Variants in STXBP5 observed in about 807,000 individuals in gnomAD.
STXBP5 encodes the protein syntaxin-binding protein 5.
A neutral mutation model predicts 152.4 loss-of-function variants in STXBP5; 50 were observed. The ratio of observed to expected loss-of-function variants is 0.33; its 90% CI spans 0.26 to 0.42. The LOEUF (loss-of-function observed/expected upper bound fraction) is 0.42. Ranked by LOEUF, STXBP5 falls within the 10% of genes least tolerant of loss-of-function variation. The pLI, the probability that STXBP5 is intolerant of heterozygous loss-of-function variation, is 1.00. For synonymous variants in STXBP5, 492 were observed against 494.7 expected (o/e 0.99, Z 0.07); for missense variants, 1,167 against 1,388.6 (o/e 0.84, Z 2.54).
chr6:147,363,487 T>C lies in STXBP5; in HGVS notation c.2698T>C (p.Ser900Pro), dbSNP rs1409654558. The C allele has an allele frequency of 6.2e-7, 1 of 1,614,012 alleles. No homozygotes were observed. The highest frequency in any genetic ancestry group is 1.3e-5 in the African/African-American group (1 of 74,930). ...KEKLKKRRPV[S>P]VSPSSSQEIS... ...GAAATTGAAAAAACGGCGGCCTGTC[T>C]CAGTATCCCCCTCCTCTTCTCAGGA... The change falls in exon 24 of 28, where the codon TCA (serine) becomes CCA (proline). Residue 900 changes from serine to proline, a missense_variant. Coordinates refer to ENST00000321680, the MANE Select transcript of STXBP5 (RefSeq NM_001127715.4).
Position 147,383,038 on chromosome 6 carries a change from G to A in STXBP5, c.3414+40G>A, listed in dbSNP as rs1422371382. 3.1e-6 allele frequency: 5 copies of A among 1,600,048 alleles called. No individual in the cohort carries two copies. In the African/African-American group the frequency reaches 6.7e-5, roughly 21 times the overall value. ...CAGATATTTGAACAAAAAGCTCTAGGTAAAGCAAGTGTGAATGTTACTTTA... is the reference window on the plus strand; with the variant it reads ...CAGATATTTGAACAAAAAGCTCTAGATAAAGCAAGTGTGAATGTTACTTTA... On this transcript the variant is annotated intron_variant, in intron 27 of 27. Coordinates refer to ENST00000321680, the MANE Select transcript of STXBP5 (RefSeq NM_001127715.4).
intron 16 of STXBP5, among the ~76,000 whole-genome samples, chr6:147,320,320 T>C (rs1308478445): frequency 2.0e-5 from 3 of 152,170 alleles, no homozygotes; most frequent in African/African-American, 7.2e-5. Context: ...TTAAGAACAC[T>C]GCCTTTGCAG....
At chr6:147,348,344 T>A (rs1313340157) in intron 21 of STXBP5, among the ~76,000 whole-genome samples, 1 of 122,524 alleles carries the variant, frequency 8.2e-6, no homozygotes, top group Admixed American at 8.6e-5. Context: ...CCTCCCTCCC[T>A]CCCTCTCCCT....
chr6:147,351,936 C>T, intron 21 of STXBP5: 1 of 965,154 alleles, frequency 1.0e-6, no homozygotes, highest in Non-Finnish European at 1.2e-6. Flanking sequence ...AAAATTTAAC[C>T]TAATATATTC....
chr6:147,326,370 C>T (rs1012402300), intron 17 of STXBP5, among the ~76,000 whole-genome samples: 3 of 152,116 alleles, frequency 2.0e-5, no homozygotes, highest in Non-Finnish European at 4.4e-5. Context: ...TAATTAGTTA[C>T]CAAGACTATA....
In STXBP5 at chr6:147,307,981, T is replaced by G. The variant is rs146964339; in HGVS notation, c.918-2103T>G. Among the ~76,000 whole-genome samples, 229 of 152,230 alleles carry G rather than the reference T, an allele frequency of 1.5e-3. 1 individual carries two copies. Among genetic ancestry groups the G allele is most frequent in the African/African-American group, 5.2e-3 (217 of 41,554 alleles). ...TATTCTGTAATGTACAGCTATAATCTCTCTTCATTGTTCTGGCATTAATAA... is the reference window on the plus strand; with the variant it reads ...TATTCTGTAATGTACAGCTATAATCGCTCTTCATTGTTCTGGCATTAATAA... On this transcript the variant is annotated intron_variant, in intron 9 of 27. Coordinates refer to ENST00000321680, the MANE Select transcript of STXBP5 (RefSeq NM_001127715.4).
intron 10 of STXBP5, among the ~76,000 whole-genome samples, 177 bp downstream of exon 10, chr6:147,310,415 T>C (rs1435693199): frequency 6.6e-6 from 1 of 152,180 alleles, no homozygotes; most frequent in Non-Finnish European, 1.5e-5. Flanking sequence ...AAATTTAATC[T>C]GTTTTGAAGA....
chr6:147,365,172 G>T (rs1324643487), intron 25 of STXBP5, among the ~76,000 whole-genome samples: 1 of 152,100 alleles, frequency 6.6e-6, no homozygotes, highest in African/African-American at 2.4e-5. Context: ...ATACTATACT[G>T]GAAACCTAGT....
At chr6:147,233,573 A>T (rs1337481659) in intron 2 of STXBP5, among the ~76,000 whole-genome samples, 1 of 151,814 alleles carries the variant, frequency 6.6e-6, no homozygotes, top group Non-Finnish European at 1.5e-5. Flanking sequence ...GAGGTTTGAC[A>T]TTCATGTAAA....
chr6:147,384,031 C>T (rs946109855), intron 27 of STXBP5, among the ~76,000 whole-genome samples: 2 of 152,024 alleles, frequency 1.3e-5, no homozygotes, highest in Admixed American at 6.6e-5. Context: ...CAGTCAATTT[C>T]GGAATATATT....
intron 9 of STXBP5, among the ~76,000 whole-genome samples, chr6:147,294,170 G>C (rs539197248): frequency 6.6e-6 from 1 of 152,216 alleles, no homozygotes; most frequent in Admixed American, 6.5e-5. Flanking sequence ...CATTGAAGTT[G>C]TTTCTTTGAG....
At chr6:147,247,884 C>T (rs1191570272) in intron 4 of STXBP5, among the ~76,000 whole-genome samples, 1 of 151,988 alleles carries the variant, frequency 6.6e-6, no homozygotes, top group Non-Finnish European at 1.5e-5. Flanking sequence ...TCCAAAAGGG[C>T]CTTACAATGT....
chr6:147,388,056 CA>C lies in STXBP5; in HGVS notation c.*3304del, dbSNP rs1409396991. 1 of 151,674 alleles carries C rather than the reference CA, an allele frequency of 6.6e-6. No homozygotes were observed. Among genetic ancestry groups the C allele is most frequent in the Non-Finnish European group, 1.5e-5 (1 of 67,736 alleles). 9.4% of individuals were successfully genotyped at this position (151,674 alleles called of 1,614,324 possible). A position where few individuals can be genotyped will look rare whatever the true frequency, so the allele number is the denominator to read the frequency against. ...ATATCCAAAGGTAAATTTTTTGTGGCAAAGATTTATTTTACACTTTAACTTT... is the reference window on the plus strand; with the variant it reads ...ATATCCAAAGGTAAATTTTTTGTGGCAAGATTTATTTTACACTTTAACTTT... On this transcript the variant is annotated 3_prime_UTR_variant, in exon 28 of 28. Coordinates refer to ENST00000321680, the MANE Select transcript of STXBP5 (RefSeq NM_001127715.4).
At chr6:147,367,656 A>G (rs1410177036) in intron 25 of STXBP5, among the ~76,000 whole-genome samples, 2 of 152,128 alleles carry the variant, frequency 1.3e-5, no homozygotes, top group Non-Finnish European at 2.9e-5. Context: ...AAAAAACAAA[A>G]ACTGAGTAAA....
At chr6:147,328,172 T>A (rs1364784749) in intron 18 of STXBP5, among the ~76,000 whole-genome samples, 1 of 152,164 alleles carries the variant, frequency 6.6e-6, no homozygotes, top group African/African-American at 2.4e-5. Context: ...TTCTTGCCCT[T>A]TTTTTATTTC....
chr6:147,377,044 T>C (rs1785844485), intron 26 of STXBP5, among the ~76,000 whole-genome samples: 1 of 152,158 alleles, frequency 6.6e-6, no homozygotes, highest in South Asian at 2.1e-4. Flanking sequence ...ACATAGCTAA[T>C]AGAAGAGACA....
At chr6:147,206,698 CTG>C (rs1776582641) in intron 2 of STXBP5, among the ~76,000 whole-genome samples, 1 of 152,038 alleles carries the variant, frequency 6.6e-6, no homozygotes, top group African/African-American at 2.4e-5. Context: ...TTTGTAAAAA[CTG>C]TTAGGTTACT....
intron 2 of STXBP5, among the ~76,000 whole-genome samples, chr6:147,228,033 C>T (rs1180994587): frequency 1.3e-5 from 2 of 152,214 alleles, no homozygotes; most frequent in East Asian, 1.9e-4. Context: ...TTGTTCTTCT[C>T]TAAGCTGGGC....
At chr6:147,347,655 C>T (rs932943567) in intron 21 of STXBP5, among the ~76,000 whole-genome samples, 10 of 152,098 alleles carry the variant, frequency 6.6e-5, no homozygotes, top group Non-Finnish European at 1.0e-4. Context: ...AGCTGAGAGC[C>T]AATATTTACT....
Sources: gnomAD v4.1 joint callset for allele counts (sites outside exome capture counted in the v4.1 genomes callset) on GRCh38, gnomAD v4.1.1 for gene constraint, MANE v1.5 for transcripts, NCBI Gene and HGNC (gene_info 2026-07-23, HGNC 2026-07-21) for gene names.